SORCS1: variants seen among roughly 807,000 people sequenced by gnomAD.
The protein encoded by SORCS1 is sortilin related VPS10 domain containing receptor 1.
In SORCS1, 60 loss-of-function variants were observed where a neutral mutation model predicts 146.1. That is an observed-to-expected ratio of 0.41 (90% CI 0.33 to 0.51). The LOEUF (loss-of-function observed/expected upper bound fraction) is 0.51, where lower values mean the gene tolerates loss of function less well. Among genes scored for constraint, SORCS1 ranks in the 20% least tolerant of loss-of-function variants. The pLI, the probability that SORCS1 is intolerant of heterozygous loss-of-function variation, is 0.21. For synonymous variants in SORCS1, 637 were observed against 584.0 expected (o/e 1.09, Z -1.31); for missense variants, 1,352 against 1,487.6 (o/e 0.91, Z 1.50).
intron 2 of SORCS1, among the ~76,000 whole-genome samples, chr10:106,859,454 C>T (rs139598287): frequency 1.7e-3 from 255 of 152,214 alleles, no homozygotes; most frequent in African/African-American, 4.9e-3. Flanking sequence ...AGTGTGGCGG[C>T]GCGATGTTGG....
intron 2 of SORCS1, among the ~76,000 whole-genome samples, chr10:106,949,971 C>T (rs537757843): frequency 6.6e-6 from 1 of 152,334 alleles, no homozygotes; most frequent in Non-Finnish European, 1.5e-5. Context: ...GAATATATTT[C>T]TTCTCAGAAG....
At chr10:106,704,194 C>G (rs1854339515) in intron 8 of SORCS1, among the ~76,000 whole-genome samples, 1 of 152,112 alleles carries the variant, frequency 6.6e-6, no homozygotes, top group African/African-American at 2.4e-5. Flanking sequence ...CTCCTTAAGT[C>G]AATGGGATTT....
chr10:107,124,103 A>G (rs1218593923), intron 1 of SORCS1, among the ~76,000 whole-genome samples: 1 of 151,694 alleles, frequency 6.6e-6, no homozygotes, highest in Non-Finnish European at 1.5e-5. Flanking sequence ...AAAAAAAAAG[A>G]AAAGAAAATG....
intron 1 of SORCS1, among the ~76,000 whole-genome samples, chr10:107,160,775 A>G (rs1441974588): frequency 6.6e-6 from 1 of 152,252 alleles, no homozygotes; most frequent in Non-Finnish European, 1.5e-5. Flanking sequence ...AAAGGATTTT[A>G]TAAAGATTAA....
rs1263449368 is a variant in SORCS1, at chr10:107,164,366, C to T, written c.161G>A (p.Arg54Lys). Reference sequence around the variant, plus strand: ...TGGCCGCCCCTGGTGGGAAAAGCCCCTAGGGGTCGAGGCCGAGCGTGGAGC... The same window carrying T: ...TGGCCGCCCCTGGTGGGAAAAGCCCTTAGGGGTCGAGGCCGAGCGTGGAGC... ...SSAPRSASTP[R>K]GFSHQGRPGR... Residue 54 changes from arginine to lysine, a missense_variant, in exon 1 of 26, where the codon AGG (arginine) becomes AAG (lysine). By Grantham distance (26) the Arg-to-Lys change is conservative. Coordinates refer to ENST00000263054, the MANE Select transcript of SORCS1 (RefSeq NM_052918.5). The surrounding 1 kb of genome is among the most constrained non-coding windows in gnomAD (Gnocchi z 6.8). The T allele has an allele frequency of 6.7e-7, 1 of 1,495,796 alleles. No individual in the cohort carries two copies. Among genetic ancestry groups the T allele is most frequent in the Non-Finnish European group, 8.9e-7 (1 of 1,125,768 alleles). The allele number at this position is 1,495,796 out of a possible 1,614,324, so 92.7% of individuals were successfully genotyped here.
At chr10:106,945,943 T>C (rs1040903235) in intron 2 of SORCS1, among the ~76,000 whole-genome samples, 35 of 152,214 alleles carry the variant, frequency 2.3e-4, no homozygotes, top group African/African-American at 9.6e-5. Context: ...TCTAAGATTT[T>C]GTTAAAATCA....
chr10:106,752,277 A>T (rs1228237240), intron 5 of SORCS1, among the ~76,000 whole-genome samples: 1 of 152,176 alleles, frequency 6.6e-6, no homozygotes. Context: ...TTTGTCCCCA[A>T]AAGCAGGAAG....
intron 8 of SORCS1, among the ~76,000 whole-genome samples, chr10:106,701,963 A>G (rs768616836): frequency 1.1e-4 from 17 of 152,188 alleles, no homozygotes; most frequent in Non-Finnish European, 2.2e-4. Flanking sequence ...CCTTTTGTTG[A>G]TTAATCTAGG....
rs142029208 is a variant in SORCS1 at position 107,059,252 on chromosome 10, C to A, written c.559-102672G>T. ...TTCACTCCACAGAACTAGAATGAGG[C>A]CAAAAGCAAATCCCACGCACACATT... is the stretch of plus-strand genomic sequence containing the variant. On this transcript the variant is annotated intron_variant, in intron 1 of 25. Transcript: ENST00000263054. 2.8e-4 allele frequency among the ~76,000 whole-genome samples: 43 copies of A among 152,172 alleles called. 1 individual carries two copies. The East Asian group carries it at 7.1e-3, about 25-fold the overall frequency.
chr10:106,676,722 T>C (rs1467227448), intron 13 of SORCS1, among the ~76,000 whole-genome samples: 1 of 152,150 alleles, frequency 6.6e-6, no homozygotes, highest in East Asian at 1.9e-4. Context: ...AACTGTCCCA[T>C]AGAACTGATG....
chr10:106,658,180 C>A (rs757271101), intron 17 of SORCS1, among the ~76,000 whole-genome samples: 18 of 152,072 alleles, frequency 1.2e-4, no homozygotes, highest in Admixed American at 3.3e-4. Flanking sequence ...GACCTCAATG[C>A]ATTTTTCTAG....
At chr10:107,134,197 A>C (rs1465201857) in intron 1 of SORCS1, among the ~76,000 whole-genome samples, 1 of 152,212 alleles carries the variant, frequency 6.6e-6, no homozygotes, top group East Asian at 1.9e-4. Flanking sequence ...GGAAGGAAAA[A>C]AGGAATTATG....
chr10:107,124,323 T>C (rs1238903312), intron 1 of SORCS1, among the ~76,000 whole-genome samples: 2 of 152,172 alleles, frequency 1.3e-5, no homozygotes, highest in African/African-American at 4.8e-5. Flanking sequence ...CTGCCTGCAA[T>C]TGAGACAAGA....
At chr10:107,057,898 A>G (rs1000505350) in intron 1 of SORCS1, among the ~76,000 whole-genome samples, 20 of 152,128 alleles carry the variant, frequency 1.3e-4, no homozygotes, top group Admixed American at 6.5e-5. Context: ...CGCACTCTAC[A>G]GCCTCAAATT....
At chr10:106,747,688 T>C (rs1206602049) in intron 5 of SORCS1, among the ~76,000 whole-genome samples, 1 of 152,200 alleles carries the variant, frequency 6.6e-6, no homozygotes, top group East Asian at 1.9e-4. Context: ...TACTTAAAGA[T>C]ACAACATGAC....
chr10:107,129,332 G>T (rs1022025591), intron 1 of SORCS1, among the ~76,000 whole-genome samples: 1 of 152,188 alleles, frequency 6.6e-6, no homozygotes, highest in African/African-American at 2.4e-5. Context: ...TGGGACGAAA[G>T]AACATAGAAT....
intron 1 of SORCS1, among the ~76,000 whole-genome samples, chr10:107,089,652 A>T (rs1964033831): frequency 6.6e-6 from 1 of 152,248 alleles, no homozygotes; most frequent in Admixed American, 6.5e-5. Flanking sequence ...ACAAATGAAA[A>T]AAAGGTAAAA....
chr10:106,889,030 A>G (rs1026117941), intron 2 of SORCS1, among the ~76,000 whole-genome samples: 2 of 152,150 alleles, frequency 1.3e-5, no homozygotes, highest in Non-Finnish European at 2.9e-5. Context: ...TTTTTTCAAT[A>G]GGAGGTAAAA....
At chr10:106,629,439 TG>T in intron 18 of SORCS1, 51 bp from the exon 19 acceptor site, 1 of 1,588,430 alleles carries the variant, frequency 6.3e-7, no homozygotes, top group Non-Finnish European at 8.6e-7. Flanking sequence ...CGGCTGCTCC[TG>T]CCTAGGGGAC....
Sources: allele counts gnomAD v4.1 joint callset (sites outside exome capture counted in the v4.1 genomes callset), GRCh38; gene constraint gnomAD v4.1.1; non-coding constraint Gnocchi (gnomAD v3.1); transcripts MANE v1.5; gene names NCBI Gene and HGNC (gene_info 2026-07-23, HGNC 2026-07-21).